SOX5: variants seen among roughly 807,000 people sequenced by gnomAD.
SOX5 encodes the protein SRY-box transcription factor 5.
SOX5 carries 9 observed loss-of-function variants against 92.0 expected under a neutral mutation model. The ratio of observed to expected loss-of-function variants is 0.10; its 90% CI spans 0.06 to 0.17. SOX5 has a LOEUF of 0.17. Among genes scored for constraint, SOX5 ranks in the 10% least tolerant of loss-of-function variants. SOX5 has a pLI of 1.00. For missense variants in SOX5, 642 were observed against 944.5 expected, an observed-to-expected ratio of 0.68 and a Z score of 4.20; for synonymous variants, 344 against 336.3, an observed-to-expected ratio of 1.02 and a Z score of -0.25.
intron 1 of SOX5, among the ~76,000 whole-genome samples, chr12:24,411,585 G>A (rs1964093569): frequency 6.6e-6 from 1 of 152,036 alleles, no homozygotes; most frequent in Non-Finnish European, 1.5e-5. Context: ...TCTTCTTTAG[G>A]TTGTTAGCAT....
intron 1 of SOX5, among the ~76,000 whole-genome samples, chr12:23,934,225 C>T (rs1228936628): frequency 6.6e-6 from 1 of 151,318 alleles, no homozygotes; most frequent in Non-Finnish European, 1.5e-5. Flanking sequence ...TAGTGAGCTT[C>T]TTTCCATTAG....
At chr12:23,658,292 G>A (rs941688689) in intron 7 of SOX5, among the ~76,000 whole-genome samples, 17 of 152,046 alleles carry the variant, frequency 1.1e-4, no homozygotes, top group Non-Finnish European at 2.4e-4. Flanking sequence ...TAATGACCTA[G>A]AAACACTTTT....
At chr12:23,542,319 G>T (rs1415975377) in intron 13 of SOX5, among the ~76,000 whole-genome samples, 1 of 152,114 alleles carries the variant, frequency 6.6e-6, no homozygotes, top group African/African-American at 2.4e-5. Flanking sequence ...TTAACTCTTA[G>T]AAGTCACAGA....
chr12:24,186,032 A>C lies in SOX5; in HGVS notation c.-2+27311T>G, dbSNP rs116133680. 3.9e-3 allele frequency among the ~76,000 whole-genome samples: 595 copies of C among 152,294 alleles called. 3 individuals are homozygous for C. The highest frequency in any genetic ancestry group is 0.013 in the African/African-American group (553 of 41,572). The stretch of plus-strand genomic sequence containing the variant: ...ATGAGAAAGACAACAACCACAGGTT[A>C]CTGGGGCATAGAGTAGGGAGCAATT... On this transcript the variant is annotated intron_variant, in intron 4 of 4. Coordinates refer to the SOX5 transcript ENST00000446891.
intron 1 of SOX5, among the ~76,000 whole-genome samples, chr12:24,374,504 CACACACACACAT>C (rs1957050380): frequency 7.0e-6 from 1 of 143,276 alleles, no homozygotes; most frequent in African/African-American, 2.7e-5. Flanking sequence ...GACCACCACA[CACACACACACAT>C]ACACACACAC....
intron 2 of SOX5, among the ~76,000 whole-genome samples, chr12:24,331,940 G>C (rs1160374586): frequency 7.7e-6 from 1 of 129,422 alleles, no homozygotes; most frequent in Non-Finnish European, 1.7e-5. Flanking sequence ...TAAAAGGTGT[G>C]AATGTTTTAT....
intron 1 of SOX5, among the ~76,000 whole-genome samples, chr12:24,384,024 C>A (rs765699652): frequency 1.8e-4 from 27 of 152,126 alleles, no homozygotes; most frequent in Non-Finnish European, 3.5e-4. Flanking sequence ...CTTTGCTTGG[C>A]ACTTCTCTCT....
intron 11 of SOX5, among the ~76,000 whole-genome samples, chr12:23,554,649 A>G (rs1236090463): frequency 1.3e-5 from 2 of 152,196 alleles, no homozygotes; most frequent in African/African-American, 4.8e-5. Flanking sequence ...AAGGTACAAA[A>G]TAAATATCAA....
At chr12:23,734,124 C>T (rs1237013799) in intron 6 of SOX5, among the ~76,000 whole-genome samples, 1 of 152,162 alleles carries the variant, frequency 6.6e-6, no homozygotes, top group Non-Finnish European at 1.5e-5. Flanking sequence ...GCTGCTTCCT[C>T]CTGTATTGAT....
At position 23,726,266 on chromosome 12, in the gene SOX5, C is replaced by T. The variant is rs140802132; in HGVS notation, c.810+8418G>A. 8.7e-3 allele frequency among the ~76,000 whole-genome samples: 1,315 copies of T among 151,938 alleles called. 17 individuals carry two copies. The highest frequency in any genetic ancestry group is 0.03 in the African/African-American group (1,251 of 41,450). On this transcript the variant is annotated intron_variant, in intron 6 of 14. Transcript: ENST00000451604. ...TAGTACTCTGTCTAGGGAGCTGAAG[C>T]AAATTTGCCATATGTTAGAGATGTC...
intron 1 of SOX5, among the ~76,000 whole-genome samples, chr12:24,430,947 T>C (rs188363128): frequency 6.6e-6 from 1 of 152,296 alleles, no homozygotes; most frequent in African/African-American, 2.4e-5. Flanking sequence ...TTCTTGAAAA[T>C]TGTATAATGC....
chr12:24,063,216 T>C (rs1940069977), intron 4 of SOX5, among the ~76,000 whole-genome samples: 1 of 152,206 alleles, frequency 6.6e-6, no homozygotes, highest in Non-Finnish European at 1.5e-5. Flanking sequence ...CACATCTCTG[T>C]GGTAATTACA....
At chr12:24,007,161 ACATT>A (rs759285012) in intron 4 of SOX5, among the ~76,000 whole-genome samples, 20,954 of 60,298 alleles carry the variant, frequency 0.35, 6,447 homozygotes, top group Non-Finnish European at 0.44. Context: ...ATATATATAT[ACATT>A]TATATATGTA....
At chr12:24,110,248 C>T (rs1947159424) in intron 4 of SOX5, among the ~76,000 whole-genome samples, 1 of 152,130 alleles carries the variant, frequency 6.6e-6, no homozygotes, top group African/African-American at 2.4e-5. Flanking sequence ...TCATGACAAA[C>T]CTACCCTCGC....
intron 1 of SOX5, among the ~76,000 whole-genome samples, chr12:24,550,848 G>A (rs190346366): frequency 6.6e-6 from 1 of 152,274 alleles, no homozygotes; most frequent in East Asian, 1.9e-4. Context: ...AGTATGCAGG[G>A]CTTGAGCCAT....
chr12:23,929,253 A>G (rs1193745983), intron 1 of SOX5, among the ~76,000 whole-genome samples: 2 of 152,034 alleles, frequency 1.3e-5, no homozygotes, highest in Non-Finnish European at 2.9e-5. Flanking sequence ...CTCTGAAAGT[A>G]TGTTACATTG....
At chr12:24,429,877 T>C (rs944592489) in intron 1 of SOX5, among the ~76,000 whole-genome samples, 2 of 152,168 alleles carry the variant, frequency 1.3e-5, no homozygotes, top group African/African-American at 2.4e-5. Flanking sequence ...TCATACCCTA[T>C]ATGACCATGG....
intron 1 of SOX5, among the ~76,000 whole-genome samples, chr12:24,547,217 C>T (rs559090845): frequency 7.1e-6 from 1 of 140,600 alleles, no homozygotes; most frequent in African/African-American, 2.7e-5. Flanking sequence ...CGGAGTCTCG[C>T]TCTGTCGCCC....
chr12:23,680,325 CAAAAAAAAAAAA>C (rs57754255), intron 6 of SOX5, among the ~76,000 whole-genome samples: 4 of 48,390 alleles, frequency 8.3e-5, no homozygotes, highest in South Asian at 8.5e-4. Context: ...GACCTTGTCT[CAAAAAAAAAAAA>C]AAAAAAAAAA....
Sources: allele counts gnomAD v4.1 joint callset (sites outside exome capture counted in the v4.1 genomes callset), GRCh38; gene constraint gnomAD v4.1.1; transcripts MANE v1.5; gene names NCBI Gene and HGNC (gene_info 2026-07-23, HGNC 2026-07-21).